Variants in TLL1 observed in about 807,000 individuals in gnomAD.
The protein encoded by TLL1 is tolloid like 1, also known as tolloid-like protein 1.
In TLL1, 49 loss-of-function variants were observed where a neutral mutation model predicts 128.2. The ratio of observed to expected loss-of-function variants is 0.38; its 90% CI spans 0.30 to 0.48. The LOEUF (loss-of-function observed/expected upper bound fraction) is 0.48, where lower values mean the gene tolerates loss of function less well. Ranked by LOEUF, TLL1 falls within the 20% of genes least tolerant of loss-of-function variation. The pLI is 0.96. For missense variants in TLL1, 1,123 were observed against 1,242.0 expected (o/e 0.90, Z 1.44); for synonymous variants, 454 against 418.8 (o/e 1.08, Z -1.03).
intron 1 of TLL1, among the ~76,000 whole-genome samples, chr4:165,987,202 C>A (rs1210640575): frequency 6.6e-6 from 1 of 151,982 alleles, no homozygotes; most frequent in Non-Finnish European, 1.5e-5. Context: ...AGAGTCCCTG[C>A]CAGTGGATGA....
At chr4:166,094,603 A>G (rs1032187258) in intron 19 of TLL1, among the ~76,000 whole-genome samples, 7 of 152,164 alleles carry the variant, frequency 4.6e-5, no homozygotes, top group Non-Finnish European at 1.0e-4. Flanking sequence ...AAAACATTTA[A>G]TGGTAACTGA....
chr4:166,098,199 G>A (rs1470484950), intron 19 of TLL1, among the ~76,000 whole-genome samples: 1 of 151,948 alleles, frequency 6.6e-6, no homozygotes, highest in Non-Finnish European at 1.5e-5. Flanking sequence ...GCCACATGTG[G>A]TAGTGAGCGC....
intron 1 of TLL1, among the ~76,000 whole-genome samples, chr4:165,891,792 T>A (rs892759432): frequency 6.6e-6 from 1 of 152,198 alleles, no homozygotes; most frequent in African/African-American, 2.4e-5. Flanking sequence ...AGTTTCTAAA[T>A]TTTCCCACAT....
At chr4:166,025,964 A>G (rs1275303051) in intron 9 of TLL1, among the ~76,000 whole-genome samples, 1 of 152,186 alleles carries the variant, frequency 6.6e-6, no homozygotes, top group African/African-American at 2.4e-5. Flanking sequence ...AGGTTAGAAA[A>G]AGAGCAATAA....
At chr4:165,921,588 T>C (rs1733044006) in intron 1 of TLL1, among the ~76,000 whole-genome samples, 1 of 152,222 alleles carries the variant, frequency 6.6e-6, no homozygotes, top group South Asian at 2.1e-4. Flanking sequence ...CAAAGTGTTA[T>C]ATCACTTAGT....
intron 9 of TLL1, among the ~76,000 whole-genome samples, chr4:166,026,674 C>G (rs1240984303): frequency 3.3e-5 from 5 of 150,520 alleles, no homozygotes; most frequent in African/African-American, 1.2e-4. Flanking sequence ...ACGATAAGAG[C>G]GAAACTCTGT....
chr4:166,068,021 G>A (rs12646219), intron 16 of TLL1, among the ~76,000 whole-genome samples: 13,093 of 151,684 alleles, frequency 0.086, 830 homozygotes, highest in East Asian at 0.35. Context: ...TTCTTTATTA[G>A]ATTATTGTTT....
At chr4:166,000,495 A>G (rs1737097134) in intron 5 of TLL1, among the ~76,000 whole-genome samples, 2 of 152,160 alleles carry the variant, frequency 1.3e-5, no homozygotes, top group Admixed American at 1.3e-4. Flanking sequence ...CTATGAGAGC[A>G]ATTATGCTAA....
chr4:166,052,745 G>A (rs1318523067), intron 12 of TLL1, among the ~76,000 whole-genome samples: 1 of 151,946 alleles, frequency 6.6e-6, no homozygotes, highest in Non-Finnish European at 1.5e-5. Context: ...TGCTGCTTTA[G>A]CAGGGGAGGA....
At chr4:165,940,733 T>C (rs1013466795) in intron 1 of TLL1, among the ~76,000 whole-genome samples, 2 of 152,076 alleles carry the variant, frequency 1.3e-5, no homozygotes, top group African/African-American at 2.4e-5. Flanking sequence ...AGGAAAGATA[T>C]GATGAGGATA....
intron 12 of TLL1, among the ~76,000 whole-genome samples, chr4:166,044,952 A>G (rs1345006323): frequency 6.6e-6 from 1 of 152,162 alleles, no homozygotes; most frequent in African/African-American, 2.4e-5. Context: ...TTTTTTATTT[A>G]TCAATGCAAT....
chr4:165,971,836 G>T (rs919938821), intron 1 of TLL1, among the ~76,000 whole-genome samples: 2 of 152,092 alleles, frequency 1.3e-5, no homozygotes, highest in Non-Finnish European at 2.9e-5. Context: ...TCTTTTTGGA[G>T]GGGCTTGCCA....
At chr4:165,896,097 A>G (rs1000296287) in intron 1 of TLL1, among the ~76,000 whole-genome samples, 1 of 151,852 alleles carries the variant, frequency 6.6e-6, no homozygotes, top group Non-Finnish European at 1.5e-5. Flanking sequence ...CCCTACCCCC[A>G]AGAGGCCCCG....
At chr4:165,912,971 T>A (rs1732607368) in intron 1 of TLL1, among the ~76,000 whole-genome samples, 1 of 152,160 alleles carries the variant, frequency 6.6e-6, no homozygotes, top group Non-Finnish European at 1.5e-5. Flanking sequence ...ACCTTAATTA[T>A]GCATTGGAGT....
chr4:166,048,744 A>G (rs143695940), intron 12 of TLL1, among the ~76,000 whole-genome samples: 158 of 152,344 alleles, frequency 1.0e-3, no homozygotes, highest in African/African-American at 3.7e-3. Context: ...CCTGGAGCTT[A>G]CTTGTGTTTA....
intron 1 of TLL1, among the ~76,000 whole-genome samples, chr4:165,877,602 C>A (rs1730772239): frequency 6.6e-6 from 1 of 152,104 alleles, no homozygotes; most frequent in Non-Finnish European, 1.5e-5. Flanking sequence ...GGAGCCTGGG[C>A]AAATTTAGTT....
intron 1 of TLL1, among the ~76,000 whole-genome samples, chr4:165,880,017 G>T (rs752611273): frequency 6.6e-6 from 1 of 152,124 alleles, no homozygotes; most frequent in Non-Finnish European, 1.5e-5. Context: ...TATGGCTTTC[G>T]TGGTTTTTGT....
chr4:165,994,917 TTGTGG>T, intron 4 of TLL1, 139 bp from the exon 5 acceptor site: 1 of 706,098 alleles, frequency 1.4e-6, no homozygotes, highest in Non-Finnish European at 2.5e-6. Flanking sequence ...AATGACTCAT[TTGTGG>T]TGCCATAAAC....
intron 2 of TLL1, among the ~76,000 whole-genome samples, chr4:165,991,369 G>A (rs1036517926): frequency 6.6e-6 from 1 of 151,930 alleles, no homozygotes; most frequent in African/African-American, 2.4e-5. Context: ...TGCAAACAAT[G>A]TAATATAAAT....
Sources: allele counts gnomAD v4.1 joint callset (sites outside exome capture counted in the v4.1 genomes callset), GRCh38; gene constraint gnomAD v4.1.1; transcripts MANE v1.5; gene names NCBI Gene and HGNC (gene_info 2026-07-23, HGNC 2026-07-21).